The following ABHD6 variants were observed in gnomAD, a reference collection of about 807,000 sequenced individuals.
ABHD6 encodes the protein monoacylglycerol lipase ABHD6.
Under a neutral mutation model 38.8 loss-of-function variants are expected in ABHD6, and 33 were observed. That is an observed-to-expected ratio of 0.85 (90% CI 0.64 to 1.14). The LOEUF is 1.14. Among genes scored for constraint, ABHD6 ranks in the 50% most tolerant of loss-of-function variants. ABHD6 has a pLI of 0.00. For missense variants in ABHD6, 380 were observed against 422.6 expected, an observed-to-expected ratio of 0.90 and a Z score of 0.88; for synonymous variants, 147 against 161.6, an observed-to-expected ratio of 0.91 and a Z score of 0.69.
Position 58,285,186 on chromosome 3 carries a change from T to C in ABHD6, c.736+47T>C. Reference sequence around the variant, plus strand: ...TTGGAGCTTGTTACAAGTGAAGCTCTGTGGATGGATGGCTTTTATTTCTTA... The same window carrying C: ...TTGGAGCTTGTTACAAGTGAAGCTCCGTGGATGGATGGCTTTTATTTCTTA... On this transcript the variant is annotated intron_variant, in intron 8 of 9. Transcript: ENST00000478253. The surrounding 1 kb of genome is among the most constrained non-coding windows in gnomAD (Gnocchi z 4.9). 6.3e-7 allele frequency: 1 copy of C among 1,582,796 alleles called. No individual in the cohort carries two copies. Among genetic ancestry groups the C allele is most frequent in the South Asian group, 1.1e-5 (1 of 90,444 alleles).
rs1051578733 is a variant in ABHD6, at chr3:58,238,124, C to G, written c.-91+208C>G. 2 of 152,440 alleles carry G rather than the reference C, an allele frequency of 1.3e-5. No individual in the cohort carries two copies. The highest frequency in any genetic ancestry group is 4.8e-5 in the African/African-American group (2 of 41,446). 9.4% of individuals were successfully genotyped at this position (152,440 alleles called of 1,614,324 possible). A position where few individuals can be genotyped will look rare whatever the true frequency, so the allele number is the denominator to read the frequency against. ...GGATAGGTTTGAGATGCCCGAAACC[C>G]GGCGCCCCATTTCCTGGGTCCAGCC... On this transcript the variant is annotated intron_variant, in intron 1 of 9. Transcript: ENST00000478253. The surrounding 1 kb of genome is among the most constrained non-coding windows in gnomAD (Gnocchi z 6.9).
chr3:58,274,401 G>T (rs1288477936), intron 6 of ABHD6, among the ~76,000 whole-genome samples: 1 of 152,210 alleles, frequency 6.6e-6, no homozygotes, highest in South Asian at 2.1e-4. Context: ...TGCATTTCTT[G>T]TGGGCTTTTG....
intron 2 of ABHD6, among the ~76,000 whole-genome samples, chr3:58,250,216 T>C (rs891518025): frequency 6.6e-6 from 1 of 152,156 alleles, no homozygotes; most frequent in Non-Finnish European, 1.5e-5. Context: ...CATGGGTTCA[T>C]GGGCCCCAGT....
rs953214059 is a variant in ABHD6, at chr3:58,251,248, C to T, written c.-26+1306C>T. On this transcript the variant is annotated intron_variant, in intron 2 of 9. Transcript: ENST00000478253. This position sits in a 1 kb window ranked among gnomAD's most constrained non-coding sequence, Gnocchi z 5.4. ...AGGAGAAGCACTTGAACCCAGGAGG[C>T]GGAGGTTGCAGTGAGCCAAGATTGT... Among the ~76,000 whole-genome samples the T allele has an allele frequency of 2.0e-4, 30 of 150,572 alleles. No homozygotes were observed. Among genetic ancestry groups the T allele is most frequent in the Admixed American group, 1.7e-3 (26 of 15,048 alleles).
At chr3:58,261,818 C>T (rs558535731) in intron 3 of ABHD6, among the ~76,000 whole-genome samples, 35 of 152,160 alleles carry the variant, frequency 2.3e-4, no homozygotes, top group Admixed American at 1.1e-3. Context: ...ATACATTTAA[C>T]GTAACATCCA....
intron 9 of ABHD6, among the ~76,000 whole-genome samples, chr3:58,286,103 T>G (rs1215175043): frequency 1.3e-5 from 2 of 152,078 alleles, no homozygotes; most frequent in Non-Finnish European, 2.9e-5. Flanking sequence ...CACTGCAAGC[T>G]CTGCCTCCTG....
At chr3:58,292,211 C>T (rs1256369613) in intron 9 of ABHD6, among the ~76,000 whole-genome samples, 2 of 152,190 alleles carry the variant, frequency 1.3e-5, no homozygotes, top group Non-Finnish European at 2.9e-5. Context: ...TTTTCCTTGA[C>T]TGAGGCATCG....
In ABHD6 at chr3:58,269,265, T is replaced by G. The variant is rs2097443087; in HGVS notation, c.277-56T>G. On this transcript the variant is annotated intron_variant, in intron 4 of 9. Coordinates refer to ENST00000478253, the MANE Select transcript of ABHD6 (RefSeq NM_001320126.2). This position sits in a 1 kb window ranked among gnomAD's most constrained non-coding sequence, Gnocchi z 4.4. The stretch of plus-strand genomic sequence containing the variant: ...TACATGGGGCAACCTCCCAAGAAAA[T>G]GGGCAGACATGTTTTGCACACCACA... 5 of 1,385,696 alleles carry G rather than the reference T, an allele frequency of 3.6e-6. No individual in the cohort carries two copies. The highest frequency in any genetic ancestry group is 1.2e-5 in the South Asian group (1 of 84,048). The allele number at this position is 1,385,696 out of a possible 1,614,324, so 85.8% of individuals were successfully genotyped here.
At chr3:58,264,590 C>T (rs2097439607) in intron 3 of ABHD6, among the ~76,000 whole-genome samples, 1 of 151,964 alleles carries the variant, frequency 6.6e-6, no homozygotes, top group African/African-American at 2.4e-5. Context: ...ATTCAGGAGG[C>T]TGAGGTGGGA....
intron 7 of ABHD6, among the ~76,000 whole-genome samples, chr3:58,281,577 C>T (rs1559782282): frequency 1.3e-5 from 2 of 152,228 alleles, no homozygotes; most frequent in African/African-American, 4.8e-5. Flanking sequence ...TGCCCTGCTT[C>T]AGCTCGCCCT....
At position 58,269,883 on chromosome 3, in the gene ABHD6, C is replaced by T. The variant is rs1268663730; in HGVS notation, c.390+449C>T. On this transcript the variant is annotated intron_variant, in intron 5 of 9. Transcript: ENST00000478253. This position sits in a 1 kb window ranked among gnomAD's most constrained non-coding sequence, Gnocchi z 4.4. ...CTCTAGCCTTCTCTGGCTAAGCTTT[C>T]AAGATCATAGGAGTTTAAGAGCCAT... is the stretch of plus-strand genomic sequence containing the variant. Among the ~76,000 whole-genome samples, 1 of 152,174 alleles carries T rather than the reference C, an allele frequency of 6.6e-6. No homozygotes were observed. Among genetic ancestry groups the T allele is most frequent in the Non-Finnish European group, 1.5e-5 (1 of 68,036 alleles).
intron 4 of ABHD6, among the ~76,000 whole-genome samples, chr3:58,268,368 T>G (rs2107452579): frequency 6.6e-6 from 1 of 152,338 alleles, no homozygotes; most frequent in South Asian, 2.1e-4. Flanking sequence ...GTCTGCTTTT[T>G]TCTTTTCCTT....
At chr3:58,286,850 G>GTATATATATA (rs1221165191) in intron 9 of ABHD6, among the ~76,000 whole-genome samples, 3,621 of 72,764 alleles carry the variant, frequency 0.05, 303 homozygotes, top group Non-Finnish European at 0.063. Flanking sequence ...GTGTGTGTGT[G>GTATATATATA]TGTATATATA....
At chr3:58,252,694 A>C (rs1362585132) in intron 2 of ABHD6, among the ~76,000 whole-genome samples, 2 of 152,198 alleles carry the variant, frequency 1.3e-5, no homozygotes, top group Non-Finnish European at 2.9e-5. Flanking sequence ...TATGGGTGCC[A>C]TGCTTTGGGA....
In ABHD6 at chr3:58,286,848, G is replaced by GTATATATATATA. The variant is rs60071781; in HGVS notation, c.837+1396_837+1397insATATATATATAT. ...TGTGTGTGTGTGTGTGTGTGTGTGT[G>GTATATATATATA]TGTGTATATATATATATATATGTAT... On this transcript the variant is annotated intron_variant, in intron 9 of 9. Coordinates refer to ENST00000478253, the MANE Select transcript of ABHD6 (RefSeq NM_001320126.2). 5.8e-3 allele frequency among the ~76,000 whole-genome samples: 405 copies of GTATATATATATA among 69,882 alleles called. 8 individuals are homozygous for GTATATATATATA. Among genetic ancestry groups the GTATATATATATA allele is most frequent in the South Asian group, 0.031 (49 of 1,568 alleles). The allele number at this position is 69,882 out of a possible 152,430, so 45.8% of individuals were successfully genotyped here. A position where few individuals can be genotyped will look rare whatever the true frequency, so the allele number is the denominator to read the frequency against.
Position 58,269,639 on chromosome 3 carries a change from C to T in ABHD6, c.390+205C>T, listed in dbSNP as rs1402861086. 6.6e-6 allele frequency among the ~76,000 whole-genome samples: 1 copy of T among 152,216 alleles called. No individual in the cohort carries two copies. The highest frequency in any genetic ancestry group is 1.5e-5 in the Non-Finnish European group (1 of 68,032). On this transcript the variant is annotated intron_variant, in intron 5 of 9. Coordinates refer to ENST00000478253, the MANE Select transcript of ABHD6 (RefSeq NM_001320126.2). The surrounding 1 kb of genome is among the most constrained non-coding windows in gnomAD (Gnocchi z 4.4). ...GCCAGGGCTTATTACAGACTTAAGC[C>T]TATTGCAGTTGTTTGTAACGAAATA... is the stretch of plus-strand genomic sequence containing the variant.
intron 9 of ABHD6, among the ~76,000 whole-genome samples, chr3:58,289,053 GTTGT>G (rs987470234): frequency 5.9e-5 from 9 of 151,934 alleles, no homozygotes; most frequent in East Asian, 1.9e-4. Flanking sequence ...GGGCAGGGGG[GTTGT>G]TTGTTTGTTT....
chr3:58,292,070 G>C (rs1479021191), intron 9 of ABHD6, among the ~76,000 whole-genome samples: 2 of 152,242 alleles, frequency 1.3e-5, no homozygotes, highest in African/African-American at 4.8e-5. Context: ...TTCCTGCTCA[G>C]TGGGTTGCCG....
rs763358511 is a variant in ABHD6 at position 58,267,041 on chromosome 3, G to A, written c.120-148G>A. 1.5e-4 allele frequency: 120 copies of A among 810,632 alleles called. No individual in the cohort carries two copies. The highest frequency in any genetic ancestry group is 9.3e-4 in the Admixed American group (34 of 36,640). The allele number at this position is 810,632 out of a possible 1,614,324, so 50.2% of individuals were successfully genotyped here. A position where few individuals can be genotyped will look rare whatever the true frequency, so the allele number is the denominator to read the frequency against. On this transcript the variant is annotated intron_variant, in intron 3 of 9. Transcript: ENST00000478253. The surrounding 1 kb of genome is among the most constrained non-coding windows in gnomAD (Gnocchi z 4.3). ...TGTTCCTTGAGGGTAAAGCTCAGGA[G>A]GACTCTAGAGACTGATGGAGGACAA...
Sources: allele counts gnomAD v4.1 joint callset (sites outside exome capture counted in the v4.1 genomes callset), GRCh38; gene constraint gnomAD v4.1.1; non-coding constraint Gnocchi (gnomAD v3.1); transcripts MANE v1.5; gene names NCBI Gene and HGNC (gene_info 2026-07-23, HGNC 2026-07-21).